The following THEMIS variants were observed in gnomAD, a reference collection of about 807,000 sequenced individuals.
THEMIS encodes the protein thymocyte selection associated, also known as protein THEMIS.
In THEMIS, 37 loss-of-function variants were observed where a neutral mutation model predicts 52.6. The observed-to-expected ratio is 0.70, with a 90% CI of 0.54 to 0.93. The LOEUF (loss-of-function observed/expected upper bound fraction) is 0.93, where lower values mean the gene tolerates loss of function less well. Among genes scored for constraint, THEMIS ranks in the 40% least tolerant of loss-of-function variants. The pLI is 0.00. For synonymous variants in THEMIS, 292 were observed against 272.7 expected (o/e 1.07, Z -0.70); for missense variants, 808 against 763.1 (o/e 1.06, Z -0.69).
intron 4 of THEMIS, among the ~76,000 whole-genome samples, chr6:127,749,567 G>A (rs1045076167): frequency 6.6e-6 from 1 of 151,864 alleles, no homozygotes; most frequent in Non-Finnish European, 1.5e-5. Flanking sequence ...CATCCCTAAT[G>A]TAACAGTAAA....
intron 5 of THEMIS, among the ~76,000 whole-genome samples, chr6:127,712,221 A>G (rs1424314028): frequency 6.6e-6 from 1 of 151,960 alleles, no homozygotes; most frequent in East Asian, 1.9e-4. Context: ...TAAAATAATT[A>G]GATTATTTCC....
intron 4 of THEMIS, among the ~76,000 whole-genome samples, chr6:127,763,758 AAAGT>A (rs1446756574): frequency 6.6e-6 from 1 of 152,078 alleles, no homozygotes; most frequent in Non-Finnish European, 1.5e-5. Flanking sequence ...TTAAAATGTA[AAAGT>A]AAGTTTTGTC....
chr6:127,835,698 T>C (rs1433840587), intron 2 of THEMIS, among the ~76,000 whole-genome samples: 1 of 152,048 alleles, frequency 6.6e-6, no homozygotes, highest in East Asian at 1.9e-4. Flanking sequence ...AAAATCGAGA[T>C]AACAAAATAT....
Position 127,719,814 on chromosome 6 carries a change from C to T in THEMIS, c.1768G>A (p.Val590Ile), listed in dbSNP as rs555567289. Residue 590 changes from valine (V) to isoleucine (I), a missense_variant, in exon 5 of 6, where the codon GTA becomes ATA. Coordinates refer to ENST00000368248, the MANE Select transcript of THEMIS (RefSeq NM_001010923.3). The part of the protein sequence containing the change: ...DLPKSPKRHH[V>I]DITKKLHPNQ... The stretch of plus-strand genomic sequence containing the variant: ...GGGTGAAGTTTCTTGGTTATGTCTA[C>T]GTGATGACGCTGAAATGACACAGGT... The T allele has an allele frequency of 1.6e-5, 25 of 1,611,580 alleles. No individual in the cohort carries two copies. Among genetic ancestry groups the T allele is most frequent in the East Asian group, 1.1e-4 (5 of 44,800 alleles).
intron 4 of THEMIS, among the ~76,000 whole-genome samples, chr6:127,751,611 T>C (rs958857029): frequency 6.6e-6 from 1 of 151,700 alleles, no homozygotes; most frequent in South Asian, 2.1e-4. Context: ...AAAATAAAAG[T>C]GTAAATTTAT....
chr6:127,907,084 G>A (rs971923885), intron 1 of THEMIS, among the ~76,000 whole-genome samples: 11 of 151,706 alleles, frequency 7.3e-5, no homozygotes, highest in Admixed American at 2.0e-4. Context: ...AGATAGTATC[G>A]GAAAAAAACA....
upstream of THEMIS, chr6:127,901,068 G>A (rs41285274): frequency 8.4e-6 from 6 of 714,296 alleles, no homozygotes; most frequent in Middle Eastern, 6.3e-4. Context: ...CAGCCAGAGT[G>A]GGGTGGAGTA....
chr6:127,878,034 C>T (rs1204007095), intron 1 of THEMIS, among the ~76,000 whole-genome samples: 1 of 152,168 alleles, frequency 6.6e-6, no homozygotes, highest in East Asian at 1.9e-4. Context: ...ATCAAAGGTC[C>T]ATGCTCTTAA....
intron 4 of THEMIS, chr6:127,807,283 C>T (rs1245600589): frequency 9.0e-6 from 2 of 221,580 alleles, no homozygotes; most frequent in African/African-American, 4.8e-5. Context: ...TTGCTTGAAC[C>T]CGGGAGGCAG....
intron 5 of THEMIS, among the ~76,000 whole-genome samples, chr6:127,713,291 T>A (rs1447404905): frequency 1.3e-5 from 2 of 151,960 alleles, no homozygotes; most frequent in East Asian, 3.9e-4. Context: ...TATTGTATCA[T>A]GTTTCAGAGA....
chr6:127,779,658 G>GAAGC (rs1191692853), intron 4 of THEMIS, among the ~76,000 whole-genome samples: 2 of 152,110 alleles, frequency 1.3e-5, no homozygotes, highest in African/African-American at 4.8e-5. Flanking sequence ...GGTATGAATT[G>GAAGC]AAGCTCAAAA....
intron 4 of THEMIS, among the ~76,000 whole-genome samples, chr6:127,770,829 T>C (rs993210385): frequency 1.3e-5 from 2 of 152,200 alleles, no homozygotes; most frequent in African/African-American, 4.8e-5. Context: ...GTTTCAGCTT[T>C]CTCCATATGG....
At chr6:127,710,983 C>T in intron 5 of THEMIS, among the ~76,000 whole-genome samples, 1 of 125,074 alleles carries the variant, frequency 8.0e-6, no homozygotes, top group Non-Finnish European at 2.0e-5. Flanking sequence ...TCCTCCCTCC[C>T]TCCCTCCCTT....
chr6:127,835,159 C>T (rs2114677856), intron 2 of THEMIS, among the ~76,000 whole-genome samples: 1 of 152,242 alleles, frequency 6.6e-6, no homozygotes, highest in South Asian at 2.1e-4. Context: ...ACCCCCAAAC[C>T]TCTCACAAAG....
intron 3 of THEMIS, among the ~76,000 whole-genome samples, chr6:127,816,613 G>A (rs908835774): frequency 5.9e-5 from 9 of 152,098 alleles, no homozygotes; most frequent in Non-Finnish European, 1.2e-4. Flanking sequence ...CCTGATCTAA[G>A]CTACATTGTC....
the THEMIS span, among the ~76,000 whole-genome samples, chr6:127,702,899 GC>G: frequency 2.0e-5 from 3 of 151,878 alleles, no homozygotes; most frequent in Non-Finnish European, 4.4e-5. Flanking sequence ...GGAAAGACCT[GC>G]CCCCATGATT....
chr6:127,755,431 A>T (rs191623158), intron 4 of THEMIS, among the ~76,000 whole-genome samples: 4 of 152,294 alleles, frequency 2.6e-5, no homozygotes, highest in East Asian at 3.9e-4. Context: ...TTTGATCCAA[A>T]ATATACATTT....
At chr6:127,899,759 A>G (rs1583410219) in intron 1 of THEMIS, among the ~76,000 whole-genome samples, 1 of 151,630 alleles carries the variant, frequency 6.6e-6, no homozygotes, top group Non-Finnish European at 1.5e-5. Context: ...TGGCTTAGAA[A>G]TAGAGACATT....
chr6:127,834,263 T>C (rs1445801257), intron 2 of THEMIS, among the ~76,000 whole-genome samples: 1 of 152,028 alleles, frequency 6.6e-6, no homozygotes, highest in Non-Finnish European at 1.5e-5. Flanking sequence ...TGTGTTCAAA[T>C]GTCTTTACAT....
Sources: allele counts gnomAD v4.1 joint callset (sites outside exome capture counted in the v4.1 genomes callset), GRCh38; gene constraint gnomAD v4.1.1; transcripts MANE v1.5; gene names NCBI Gene and HGNC (gene_info 2026-07-23, HGNC 2026-07-21).